Variants in CTTNBP2 observed in about 807,000 individuals in gnomAD.
CTTNBP2 encodes cortactin binding protein 2.
In CTTNBP2, 108 loss-of-function variants were observed where a neutral mutation model predicts 156.9. The ratio of observed to expected loss-of-function variants is 0.69; its 90% confidence interval spans 0.59 to 0.81. CTTNBP2 has a LOEUF of 0.81. CTTNBP2 is among the 30% of genes least tolerant of loss of function. The pLI, the probability that CTTNBP2 is intolerant of heterozygous loss-of-function variation, is 0.00. For synonymous variants in CTTNBP2, 767 were observed against 751.8 expected (o/e 1.02, Z -0.33); for missense variants, 1,924 against 2,035.4 (o/e 0.95, Z 1.05).
intron 8 of CTTNBP2, among the ~76,000 whole-genome samples, chr7:117,777,136 C>T (rs1224736391): frequency 6.6e-6 from 1 of 152,170 alleles, no homozygotes; most frequent in Non-Finnish European, 1.5e-5. Flanking sequence ...AGAGAATGAG[C>T]TCTGCAGCAC....
chr7:117,741,051 G>T (rs1379947118), intron 14 of CTTNBP2, among the ~76,000 whole-genome samples: 3 of 152,216 alleles, frequency 2.0e-5, no homozygotes, highest in African/African-American at 7.2e-5. Context: ...AGCCTTGGGA[G>T]TATAACAGCA....
chr7:117,783,831 GTTCTT>G (rs1043022440), intron 5 of CTTNBP2, among the ~76,000 whole-genome samples: 5 of 152,044 alleles, frequency 3.3e-5, no homozygotes, highest in African/African-American at 1.2e-4. Flanking sequence ...CAACTTCTCG[GTTCTT>G]TTAAGACATT....
chr7:117,872,096 A>G (rs1479284689), intron 1 of CTTNBP2: 1 of 449,664 alleles, frequency 2.2e-6, no homozygotes, highest in Admixed American at 6.4e-5. Flanking sequence ...GTTCAAATCA[A>G]AACTTGCCAG....
intron 16 of CTTNBP2, among the ~76,000 whole-genome samples, chr7:117,729,946 T>C (rs1422144613): frequency 6.6e-6 from 1 of 152,038 alleles, no homozygotes; most frequent in Non-Finnish European, 1.5e-5. Flanking sequence ...GGGAAGGAAC[T>C]GTGGAGGAGC....
At chr7:117,821,367 TTTTG>T (rs910077559) in intron 2 of CTTNBP2, among the ~76,000 whole-genome samples, 2 of 152,020 alleles carry the variant, frequency 1.3e-5, no homozygotes, top group Non-Finnish European at 2.9e-5. Context: ...TCTTTTTGTT[TTTTG>T]TTTTTTAATA....
intron 4 of CTTNBP2, among the ~76,000 whole-genome samples, chr7:117,789,239 G>A (rs933825464): frequency 9.2e-5 from 14 of 152,162 alleles, no homozygotes; most frequent in African/African-American, 3.4e-4. Context: ...CGAAACCAAA[G>A]GGCACATGCA....
chr7:117,783,377 A>C (rs1018448302), intron 5 of CTTNBP2, among the ~76,000 whole-genome samples: 4 of 152,176 alleles, frequency 2.6e-5, no homozygotes, highest in African/African-American at 9.7e-5. Context: ...ACTTAAATAA[A>C]TTATTACTTT....
chr7:117,794,196 G>C (rs747737765), intron 3 of CTTNBP2, among the ~76,000 whole-genome samples: 19 of 152,254 alleles, frequency 1.2e-4, no homozygotes, highest in Middle Eastern at 6.8e-3. Context: ...CCTCACAGTG[G>C]CACTAGTCTA....
chr7:117,760,141 G>T (rs1000757894), intron 10 of CTTNBP2: 2 of 414,986 alleles, frequency 4.8e-6, no homozygotes, highest in Non-Finnish European at 8.7e-6. Flanking sequence ...GCAGCTGTGG[G>T]GTGTTTAGTT....
chr7:117,785,783 A>T (rs899929289), intron 4 of CTTNBP2, among the ~76,000 whole-genome samples: 1 of 152,248 alleles, frequency 6.6e-6, no homozygotes, highest in Non-Finnish European at 1.5e-5. Flanking sequence ...CCTTCTGCTC[A>T]TAACAATGGT....
chr7:117,819,582 G>A (rs938264221), intron 2 of CTTNBP2, among the ~76,000 whole-genome samples: 13 of 152,016 alleles, frequency 8.6e-5, no homozygotes, highest in Non-Finnish European at 1.9e-4. Flanking sequence ...AGAAAAGAAC[G>A]GAAGGGTTCA....
intron 2 of CTTNBP2, among the ~76,000 whole-genome samples, chr7:117,836,250 C>T (rs1319963889): frequency 6.6e-6 from 1 of 152,186 alleles, no homozygotes; most frequent in Non-Finnish European, 1.5e-5. Flanking sequence ...TCCCCTTCCA[C>T]CCCACTTTTC....
chr7:117,724,986 AAC>A, intron 18 of CTTNBP2, 64 bp downstream of exon 18: 1 of 1,447,740 alleles, frequency 6.9e-7, no homozygotes, highest in East Asian at 2.3e-5. Context: ...GCTCTCTAAA[AAC>A]AGCTTTTAAA....
chr7:117,726,061 T>C (rs1795078834), intron 17 of CTTNBP2, among the ~76,000 whole-genome samples: 1 of 152,206 alleles, frequency 6.6e-6, no homozygotes, highest in African/African-American at 2.4e-5. Flanking sequence ...GGCTCAGTTC[T>C]ATAGGGAGGA....
intron 2 of CTTNBP2, among the ~76,000 whole-genome samples, chr7:117,831,714 G>A (rs545365881): frequency 7.9e-5 from 12 of 151,892 alleles, no homozygotes; most frequent in Non-Finnish European, 1.6e-4. Flanking sequence ...TGGGTCTGTG[G>A]CTCGAGGTGG....
chr7:117,791,940 T>C lies in CTTNBP2; in HGVS notation c.1256A>G (p.Asn419Ser). ...TAQTPGIAPQ[N>S]SQAPPMHSLH... ...ACTGTGCATAGGTGGAGCTTGCGAGTTCTGAGGAGCTATGCCTGGTGTTTG... is the reference window on the plus strand; with the variant it reads ...ACTGTGCATAGGTGGAGCTTGCGAGCTCTGAGGAGCTATGCCTGGTGTTTG... The change falls in exon 4 of 23, where the codon AAC (asparagine) becomes AGC (serine). Residue 419 changes from asparagine (N) to serine (S), a missense_variant. By Grantham distance (46) the Asn-to-Ser change is conservative. Coordinates refer to ENST00000160373, the MANE Select transcript of CTTNBP2 (RefSeq NM_033427.3). The C allele has an allele frequency of 4.3e-6, 7 of 1,613,934 alleles. No individual in the cohort carries two copies. Among genetic ancestry groups the C allele is most frequent in the Non-Finnish European group, 5.9e-6 (7 of 1,180,014 alleles).
intron 2 of CTTNBP2, among the ~76,000 whole-genome samples, chr7:117,849,199 C>T (rs530193555): frequency 1.1e-4 from 17 of 152,284 alleles, no homozygotes; most frequent in African/African-American, 1.4e-4. Flanking sequence ...TCAGCATCAG[C>T]GATTTCACCG....
chr7:117,766,204 C>T (rs1489270464), intron 9 of CTTNBP2, among the ~76,000 whole-genome samples: 8 of 152,112 alleles, frequency 5.3e-5, no homozygotes, highest in Admixed American at 5.2e-4. Flanking sequence ...CTGTTTCAGA[C>T]ACTGAGCAGC....
intron 8 of CTTNBP2, among the ~76,000 whole-genome samples, chr7:117,772,183 T>A (rs920879701): frequency 4.6e-5 from 7 of 152,042 alleles, no homozygotes; most frequent in African/African-American, 1.7e-4. Context: ...CACATGGCAA[T>A]GTAAAGGGAA....
Sources: gnomAD v4.1 joint callset for allele counts (sites outside exome capture counted in the v4.1 genomes callset) on GRCh38, gnomAD v4.1.1 for gene constraint, MANE v1.5 for transcripts, NCBI Gene and HGNC (gene_info 2026-07-23, HGNC 2026-07-21) for gene names.